The following DPH6 variants were observed in gnomAD, a reference collection of about 807,000 sequenced individuals.
DPH6 encodes diphthamine biosynthesis 6, also known as diphthine--ammonia ligase.
Under a neutral mutation model 38.2 loss-of-function variants are expected in DPH6, and 33 were observed. The ratio of observed to expected loss-of-function variants is 0.86; its 90% CI spans 0.65 to 1.15. The LOEUF is 1.15. Ranked by LOEUF, DPH6 falls within the 50% of genes most tolerant of loss-of-function variation. The pLI is 0.00. For missense variants in DPH6, 325 were observed against 320.0 expected (o/e 1.02, Z -0.12); for synonymous variants, 108 against 103.0 (o/e 1.05, Z -0.30).
chr15:35,375,436 T>C (rs1057133405), intron 7 of DPH6, among the ~76,000 whole-genome samples: 1 of 152,110 alleles, frequency 6.6e-6, no homozygotes, highest in African/African-American at 2.4e-5. Context: ...CACTCACTAT[T>C]GCTCTTCTCT....
At chr15:35,348,271 T>C (rs1158712065) in intron 3 of DPH6, among the ~76,000 whole-genome samples, 1 of 152,224 alleles carries the variant, frequency 6.6e-6, no homozygotes, top group African/African-American at 2.4e-5. Flanking sequence ...ACCAGAAGTT[T>C]TGTAGTTTAA....
chr15:35,472,165 G>T (rs893615136), intron 3 of DPH6, among the ~76,000 whole-genome samples: 5 of 152,108 alleles, frequency 3.3e-5, no homozygotes, highest in African/African-American at 1.2e-4. Flanking sequence ...ATCAATCAGG[G>T]TCCAACAGAA....
At chr15:35,177,598 AAAAT>A in the DPH6 span, among the ~76,000 whole-genome samples, 1 of 138,622 alleles carries the variant, frequency 7.2e-6, no homozygotes, top group African/African-American at 2.6e-5. Flanking sequence ...AAAAAAAAAA[AAAAT>A]CATCATCATC....
At chr15:35,229,598 T>C (rs2051503762) in intron 3 of DPH6, among the ~76,000 whole-genome samples, 1 of 152,190 alleles carries the variant, frequency 6.6e-6, no homozygotes, top group Non-Finnish European at 1.5e-5. Flanking sequence ...CATCTTGATA[T>C]TTATAGATGT....
chr15:35,505,421 T>C (rs1451104990), intron 3 of DPH6, among the ~76,000 whole-genome samples: 1 of 152,086 alleles, frequency 6.6e-6, no homozygotes, highest in East Asian at 1.9e-4. Context: ...AATGATGAAA[T>C]ACCCCAGCAG....
intron 5 of DPH6, among the ~76,000 whole-genome samples, chr15:35,435,936 T>C (rs2053694015): frequency 6.6e-6 from 1 of 151,896 alleles, no homozygotes; most frequent in African/African-American, 2.4e-5. Flanking sequence ...TCTATGGCAT[T>C]TTCCTTCTTT....
chr15:35,426,272 T>C (rs988759547), intron 5 of DPH6, among the ~76,000 whole-genome samples: 2 of 151,762 alleles, frequency 1.3e-5, no homozygotes, highest in African/African-American at 4.8e-5. Flanking sequence ...CAAATCACAA[T>C]TAACTCTACT....
chr15:35,258,871 G>A (rs368942734), intron 3 of DPH6, among the ~76,000 whole-genome samples: 44 of 152,042 alleles, frequency 2.9e-4, no homozygotes, highest in East Asian at 2.7e-3. Context: ...ACTATGGGCC[G>A]GGCACGGTGG....
At chr15:35,299,843 C>T (rs1202948200) in intron 3 of DPH6, among the ~76,000 whole-genome samples, 1 of 152,162 alleles carries the variant, frequency 6.6e-6, no homozygotes, top group Non-Finnish European at 1.5e-5. Context: ...ATCTGCTTCT[C>T]CAATAAAATA....
chr15:35,426,598 T>C (rs1377950660), intron 5 of DPH6, among the ~76,000 whole-genome samples: 1 of 151,558 alleles, frequency 6.6e-6, no homozygotes. Flanking sequence ...TGTGTAGGAG[T>C]AGAACTCAGA....
chr15:35,390,488 G>A (rs1238650164), intron 6 of DPH6, among the ~76,000 whole-genome samples: 1 of 152,126 alleles, frequency 6.6e-6, no homozygotes, highest in Non-Finnish European at 1.5e-5. Flanking sequence ...CCAATTAGAC[G>A]TAGATTTGGT....
At chr15:35,232,579 TCAAAAACAAAAA>T (rs78498163) in intron 3 of DPH6, among the ~76,000 whole-genome samples, 46 of 151,796 alleles carry the variant, frequency 3.0e-4, no homozygotes, top group African/African-American at 1.0e-3. Context: ...ATACTCCGTG[TCAAAAACAAAAA>T]CAAAAACAAA....
At chr15:35,425,693 G>T (rs1431226050) in intron 5 of DPH6, among the ~76,000 whole-genome samples, 1 of 149,180 alleles carries the variant, frequency 6.7e-6, no homozygotes, top group Non-Finnish European at 1.5e-5. Flanking sequence ...GTGTGTATGG[G>T]TGTGTGTGTG....
chr15:35,490,162 A>G, intron 3 of DPH6: 3 of 985,424 alleles, frequency 3.0e-6, no homozygotes, highest in Non-Finnish European at 3.6e-6. Context: ...CTTACACAGT[A>G]AAGTCTGAGA....
intron 3 of DPH6, among the ~76,000 whole-genome samples, chr15:35,266,515 T>C (rs1595453355): frequency 1.3e-5 from 2 of 152,288 alleles, no homozygotes; most frequent in South Asian, 2.1e-4. Context: ...TCTGAACTAG[T>C]TAGAGTTTGC....
intron 4 of DPH6, among the ~76,000 whole-genome samples, chr15:35,453,726 C>T (rs1278370175): frequency 2.6e-5 from 4 of 152,066 alleles, no homozygotes; most frequent in African/African-American, 9.7e-5. Context: ...TCCCTTCATT[C>T]ACTCTTAAAA....
chr15:35,263,298 C>A (rs148358061), intron 3 of DPH6, among the ~76,000 whole-genome samples: 2 of 151,450 alleles, frequency 1.3e-5, no homozygotes, highest in Non-Finnish European at 2.9e-5. Flanking sequence ...TAAATTAACT[C>A]TAGAAGATTC....
chr15:35,543,161 T>C (rs905685517), intron 1 of DPH6, among the ~76,000 whole-genome samples: 1 of 145,942 alleles, frequency 6.9e-6, no homozygotes, highest in East Asian at 2.0e-4. Context: ...TCTGCAGAGA[T>C]AAAAAACAAG....
intron 3 of DPH6, among the ~76,000 whole-genome samples, chr15:35,495,744 T>C (rs943854869): frequency 1.1e-4 from 17 of 152,286 alleles, no homozygotes; most frequent in Non-Finnish European, 1.0e-4. Flanking sequence ...TTGATCCTAA[T>C]AGTTATGGCA....
Sources: gnomAD v4.1 joint callset for allele counts (sites outside exome capture counted in the v4.1 genomes callset) on GRCh38, gnomAD v4.1.1 for gene constraint, MANE v1.5 for transcripts, NCBI Gene and HGNC (gene_info 2026-07-23, HGNC 2026-07-21) for gene names.